RIMKLB: variants seen among roughly 807,000 people sequenced by gnomAD.
RIMKLB encodes beta-citrylglutamate synthase B.
RIMKLB carries 7 observed loss-of-function variants against 32.0 expected under a neutral mutation model. The ratio of observed to expected loss-of-function variants is 0.22; its 90% CI spans 0.12 to 0.41. The LOEUF (loss-of-function observed/expected upper bound fraction) is 0.41. Ranked by LOEUF, RIMKLB falls within the 10% of genes least tolerant of loss-of-function variation. The pLI is 1.00. For synonymous variants in RIMKLB, 172 were observed against 185.1 expected, an observed-to-expected ratio of 0.93 and a Z score of 0.57; for missense variants, 289 against 498.7, an observed-to-expected ratio of 0.58 and a Z score of 4.00.
At chr12:8,729,363 A>C (rs1237757204) in intron 2 of RIMKLB, among the ~76,000 whole-genome samples, 1 of 151,336 alleles carries the variant, frequency 6.6e-6, no homozygotes, top group Non-Finnish European at 1.5e-5. Flanking sequence ...GCGGGAAGGT[A>C]ATCTTCCCCT....
At chr12:8,696,428 C>T (rs2136610367), upstream of RIMKLB, among the ~76,000 whole-genome samples, 2 of 152,298 alleles carry the variant, frequency 1.3e-5, no homozygotes, top group Middle Eastern at 6.8e-3. Flanking sequence ...CAACTAGACG[C>T]CTATCCTAGG....
At chr12:8,694,726 G>C (rs1349947099), upstream of RIMKLB, among the ~76,000 whole-genome samples, 3 of 152,156 alleles carry the variant, frequency 2.0e-5, no homozygotes. Context: ...CTAGGAATAA[G>C]AGCAAAAATC....
rs1387907320 is a variant in RIMKLB, at chr12:8,683,525, C to T, written n.219+1707C>T. 5.9e-5 allele frequency among the ~76,000 whole-genome samples: 9 copies of T among 152,256 alleles called. No individual in the cohort carries two copies. In the East Asian group the frequency reaches 1.3e-3, roughly 23 times the overall value. ...TAACATATAATGTGCAGCACCTTTC[C>T]ATATGCCCATTTGCCATCTGTATAT... On this transcript the variant is annotated intron_variant and non_coding_transcript_variant, in intron 1 of 1. Coordinates refer to the RIMKLB transcript ENST00000538758.
intron 2 of RIMKLB, among the ~76,000 whole-genome samples, chr12:8,734,999 A>G (rs1020528904): frequency 7.9e-5 from 12 of 152,166 alleles, no homozygotes; most frequent in Non-Finnish European, 1.6e-4. Flanking sequence ...GGGGAAAATG[A>G]GGAGAATTGA....
chr12:8,748,609 T>A (rs960584947), intron 2 of RIMKLB, among the ~76,000 whole-genome samples: 2 of 147,896 alleles, frequency 1.4e-5, no homozygotes, highest in African/African-American at 2.5e-5. Context: ...TATATATTTT[T>A]TATATATATA....
In RIMKLB at chr12:8,713,892, T is replaced by G; in HGVS notation, c.26T>G (p.Leu9Trp). ...ATGTGTAGTTCTGTGGCTGCCAAGTTGTGGTTTTTGACAGATCGTCGCATC... is the reference window on the plus strand; with the variant it reads ...ATGTGTAGTTCTGTGGCTGCCAAGTGGTGGTTTTTGACAGATCGTCGCATC... MCSSVAAK[L>W]WFLTDRRIRE... The change falls in exon 2 of 6, where the codon TTG becomes TGG. Residue 9 changes from leucine to tryptophan, a missense_variant. By Grantham distance (61) the Leu-to-Trp change is moderately conservative. Coordinates refer to ENST00000535829, the MANE Select transcript of RIMKLB (RefSeq NM_001297776.2). 1 of 1,613,994 alleles carries G rather than the reference T, an allele frequency of 6.2e-7. No homozygotes were observed. Among genetic ancestry groups the G allele is most frequent in the Non-Finnish European group, 8.5e-7 (1 of 1,179,980 alleles).
upstream of RIMKLB, among the ~76,000 whole-genome samples, chr12:8,677,679 CATAGCT>C (rs1304334013): frequency 6.6e-6 from 1 of 152,086 alleles, no homozygotes; most frequent in Non-Finnish European, 1.5e-5. Flanking sequence ...GCATGACATA[CATAGCT>C]ATTCATAATA....
intron 5 of RIMKLB, among the ~76,000 whole-genome samples, chr12:8,759,694 G>A (rs1949357077): frequency 6.6e-6 from 1 of 152,072 alleles, no homozygotes; most frequent in Non-Finnish European, 1.5e-5. Flanking sequence ...TCTCAAACAA[G>A]CAGAAATGCC....
chr12:8,754,179 CTTCT>C, intron 5 of RIMKLB, 86 bp downstream of exon 5: 3 of 974,806 alleles, frequency 3.1e-6, no homozygotes, highest in Non-Finnish European at 4.9e-6. Context: ...AACTCTAGAC[CTTCT>C]TAATAAGTTG....
At chr12:8,699,991 G>T (rs1326177953) in intron 1 of RIMKLB, 3 of 152,196 alleles carry the variant, frequency 2.0e-5, no homozygotes, top group African/African-American at 7.2e-5. Flanking sequence ...ACTTATCTTA[G>T]TTTCTAGTGG....
At chr12:8,766,104 G>A (rs766809069) in intron 5 of RIMKLB, among the ~76,000 whole-genome samples, 10 of 151,842 alleles carry the variant, frequency 6.6e-5, no homozygotes, top group Non-Finnish European at 2.9e-5. Context: ...TGGGGGGAAT[G>A]TTTCCCATCT....
rs745852012 is a variant in RIMKLB, at chr12:8,774,887, T to C, written c.*1103T>C. ...ACGAGGGAGTATATGTGTATGTGTG[T>C]GCACGCATGCATGTGTATGTGTTTT... On this transcript the variant is annotated 3_prime_UTR_variant, in exon 6 of 6. Transcript: ENST00000535829. 3.0e-6 allele frequency: 3 copies of C among 985,662 alleles called. No homozygotes were observed. The African/African-American group carries it at 5.2e-5, about 17-fold the overall frequency. The allele number at this position is 985,662 out of a possible 1,614,324, so 61.1% of individuals were successfully genotyped here. A position where few individuals can be genotyped will look rare whatever the true frequency, so the allele number is the denominator to read the frequency against.
the RIMKLB span, among the ~76,000 whole-genome samples, chr12:8,675,488 A>G: frequency 6.6e-6 from 1 of 151,974 alleles, no homozygotes; most frequent in African/African-American, 2.4e-5. Context: ...TTCATTTACC[A>G]TCTATTGGTT....
At chr12:8,693,548 C>T (rs1334260287), upstream of RIMKLB, among the ~76,000 whole-genome samples, 1 of 151,888 alleles carries the variant, frequency 6.6e-6, no homozygotes, top group African/African-American at 2.4e-5. Flanking sequence ...AGGTGCCCAC[C>T]ACCACGCCCA....
chr12:8,737,863 C>T (rs1237046615), intron 2 of RIMKLB, among the ~76,000 whole-genome samples: 8 of 152,216 alleles, frequency 5.3e-5, no homozygotes, highest in Admixed American at 2.0e-4. Context: ...TACAGGCATG[C>T]GCCACCACGC....
At chr12:8,692,539 A>G (rs1942760808), upstream of RIMKLB, among the ~76,000 whole-genome samples, 1 of 152,146 alleles carries the variant, frequency 6.6e-6, no homozygotes, top group South Asian at 2.1e-4. Context: ...AATCTTAACC[A>G]GATACAATTA....
chr12:8,776,512 T>C lies in RIMKLB; in HGVS notation c.*2728T>C. ...ATATCAAATATGTGTAATGATAAAA[T>C]CTGAATTGTAAAATTTTTGTATATT... On this transcript the variant is annotated 3_prime_UTR_variant, in exon 6 of 6. Coordinates refer to ENST00000535829, the MANE Select transcript of RIMKLB (RefSeq NM_001297776.2). The C allele has an allele frequency of 1.4e-6, 1 of 737,904 alleles. No individual in the cohort carries two copies. The highest frequency in any genetic ancestry group is 1.3e-4 in the East Asian group (1 of 7,646). The allele number at this position is 737,904 out of a possible 1,614,324, so 45.7% of individuals were successfully genotyped here.
At chr12:8,747,025 C>A (rs1342049526) in intron 2 of RIMKLB, among the ~76,000 whole-genome samples, 1 of 151,948 alleles carries the variant, frequency 6.6e-6, no homozygotes, top group Non-Finnish European at 1.5e-5. Flanking sequence ...ACAGAGTAAG[C>A]CACCAGGCCT....
intron 1 of RIMKLB, among the ~76,000 whole-genome samples, chr12:8,685,171 T>G (rs1289023403): frequency 6.6e-6 from 1 of 152,190 alleles, no homozygotes; most frequent in Non-Finnish European, 1.5e-5. Context: ...GAACTTTCAG[T>G]ATTGAAAGTA....
Sources: allele counts gnomAD v4.1 joint callset (sites outside exome capture counted in the v4.1 genomes callset), GRCh38; gene constraint gnomAD v4.1.1; transcripts MANE v1.5; gene names NCBI Gene and HGNC (gene_info 2026-07-23, HGNC 2026-07-21).